AAK1: variants seen among roughly 807,000 people sequenced by gnomAD.
The protein encoded by AAK1 is AP2 associated kinase 1.
Under a neutral mutation model 116.0 loss-of-function variants are expected in AAK1, and 37 were observed. The observed-to-expected ratio is 0.32, with a 90% CI of 0.25 to 0.42. The LOEUF is 0.42. AAK1 is among the 10% of genes least tolerant of loss of function. The pLI is 1.00. For synonymous variants in AAK1, 458 were observed against 439.9 expected (o/e 1.04, Z -0.51); for missense variants, 919 against 1,170.6 (o/e 0.79, Z 3.14).
Position 69,472,526 on chromosome 2 carries a change from A to C in AAK1, c.*3343T>G. 1 of 847,182 alleles carries C rather than the reference A, an allele frequency of 1.2e-6. No individual in the cohort carries two copies. Among genetic ancestry groups the C allele is most frequent in the Non-Finnish European group, 1.4e-6 (1 of 703,996 alleles). 52.5% of individuals were successfully genotyped at this position (847,182 alleles called of 1,614,324 possible). ...GGAACAACACTTAATTAGATGTCAA[A>C]ATTCTGATATGTCTGCTAAAGAAAT... On this transcript the variant is annotated 3_prime_UTR_variant, in exon 22 of 22. Transcript: ENST00000409085.
chr2:69,465,510 G>T lies in AAK1; in HGVS notation c.*10359C>A. ...CAGCTCCGTAGTCCTGGAGGAAAGGGATGTGATAGAAACAGACCCAGCTAT... is the reference window on the plus strand; with the variant it reads ...CAGCTCCGTAGTCCTGGAGGAAAGGTATGTGATAGAAACAGACCCAGCTAT... On this transcript the variant is annotated 3_prime_UTR_variant, in exon 22 of 22. Transcript: ENST00000409085. 7.7e-7 allele frequency: 1 copy of T among 1,290,944 alleles called. No individual in the cohort carries two copies. The highest frequency in any genetic ancestry group is 1.0e-6 in the Non-Finnish European group (1 of 988,898). The allele number at this position is 1,290,944 out of a possible 1,614,324, so 80.0% of individuals were successfully genotyped here. A position where few individuals can be genotyped will look rare whatever the true frequency, so the allele number is the denominator to read the frequency against.
intron 2 of AAK1, among the ~76,000 whole-genome samples, chr2:69,617,307 G>C (rs1674378666): frequency 6.6e-6 from 1 of 152,194 alleles, no homozygotes; most frequent in Non-Finnish European, 1.5e-5. Context: ...ACATCGAGTT[G>C]CTTTGACATT....
Position 69,473,648 on chromosome 2 carries a change from G to C in AAK1, c.*2221C>G. On this transcript the variant is annotated 3_prime_UTR_variant, in exon 22 of 22. Transcript: ENST00000409085. ...GGTAATATATGAAAAGAACAATTTA[G>C]AGATACCTAATTTCTAAACTGTACT... 3.1e-6 allele frequency: 3 copies of C among 977,084 alleles called. No homozygotes were observed. The highest frequency in any genetic ancestry group is 3.6e-6 in the Non-Finnish European group (3 of 822,248). The allele number at this position is 977,084 out of a possible 1,614,324, so 60.5% of individuals were successfully genotyped here. A position where few individuals can be genotyped will look rare whatever the true frequency, so the allele number is the denominator to read the frequency against.
At chr2:69,562,380 G>C (rs779866487) in intron 2 of AAK1, among the ~76,000 whole-genome samples, 15 of 152,264 alleles carry the variant, frequency 9.9e-5, no homozygotes, top group Non-Finnish European at 1.5e-4. Flanking sequence ...CTGATAAAAG[G>C]TTTTAATAAG....
At chr2:69,563,581 T>G (rs1235256141) in intron 2 of AAK1, among the ~76,000 whole-genome samples, 2 of 152,162 alleles carry the variant, frequency 1.3e-5, no homozygotes, top group Non-Finnish European at 1.5e-5. Context: ...AGTCCACTTG[T>G]CTGAGATGGA....
chr2:69,540,853 C>T (rs371171113), intron 5 of AAK1, among the ~76,000 whole-genome samples: 17 of 152,252 alleles, frequency 1.1e-4, no homozygotes, highest in African/African-American at 3.6e-4. Flanking sequence ...GAAAACAACT[C>T]GAATGTTCAT....
intron 2 of AAK1, among the ~76,000 whole-genome samples, chr2:69,602,044 A>T (rs1673603363): frequency 6.6e-6 from 1 of 152,184 alleles, no homozygotes; most frequent in Non-Finnish European, 1.5e-5. Context: ...AAAAACACAT[A>T]CCTTAAATCT....
rs1670285601 is a variant in AAK1 at position 69,532,161 on chromosome 2, A to G, written c.536T>C (p.Val179Ala). 6.2e-7 allele frequency: 1 copy of G among 1,613,218 alleles called. No homozygotes were observed. Among genetic ancestry groups the G allele is most frequent in the South Asian group, 1.1e-5 (1 of 91,062 alleles). Reference sequence around the variant, plus strand: ...TCGGTCATGCAAGAGGATGTTTTCAACCTGAAAAACATTCCCCAACCACCC... The same window carrying G: ...TCGGTCATGCAAGAGGATGTTTTCAGCCTGAAAAACATTCCCCAACCACCC... ...KTPIIHRDLK[V>A]ENILLHDRGH... The change falls in exon 6 of 22, where the codon GTT (valine) becomes GCT (alanine). Residue 179 changes from valine (V) to alanine (A), a missense_variant and splice_region_variant. By Grantham distance (64) the Val-to-Ala change is moderately conservative (BLOSUM62 0). This residue lies in a region of AAK1 where 317 missense variants were observed against 490.4 expected (regional missense o/e 0.65). Transcript: ENST00000409085.
chr2:69,612,563 T>C (rs1185483537), intron 2 of AAK1, among the ~76,000 whole-genome samples: 1 of 152,254 alleles, frequency 6.6e-6, no homozygotes, highest in Non-Finnish European at 1.5e-5. Flanking sequence ...GGAGTCATTA[T>C]CTAGGGAAGA....
chr2:69,639,485 T>C (rs1339011777), intron 2 of AAK1, among the ~76,000 whole-genome samples: 3 of 152,166 alleles, frequency 2.0e-5, no homozygotes, highest in Non-Finnish European at 4.4e-5. Context: ...TCTAAACTCA[T>C]AACTTAAAGC....
intron 13 of AAK1, among the ~76,000 whole-genome samples, chr2:69,510,075 C>T (rs1353423728): frequency 6.6e-6 from 1 of 151,902 alleles, no homozygotes; most frequent in African/African-American, 2.4e-5. Flanking sequence ...GGTACATGTG[C>T]AGGTTTGTTA....
chr2:69,469,076 T>C lies in AAK1; in HGVS notation c.*6793A>G. On this transcript the variant is annotated 3_prime_UTR_variant, in exon 22 of 22. Transcript: ENST00000409085. ...GCTATTTCCTATCTTTCTTTCAGCATCAACAGGCTTTGTAGGAATGGAAAA... is the reference window on the plus strand; with the variant it reads ...GCTATTTCCTATCTTTCTTTCAGCACCAACAGGCTTTGTAGGAATGGAAAA... 1 of 985,442 alleles carries C rather than the reference T, an allele frequency of 1.0e-6. No individual in the cohort carries two copies. The highest frequency in any genetic ancestry group is 1.2e-6 in the Non-Finnish European group (1 of 829,938). The allele number at this position is 985,442 out of a possible 1,614,324, so 61.0% of individuals were successfully genotyped here. A position where few individuals can be genotyped will look rare whatever the true frequency, so the allele number is the denominator to read the frequency against.
chr2:69,474,436 T>A lies in AAK1; in HGVS notation c.*1433A>T, dbSNP rs1356114673. The A allele has an allele frequency of 1.0e-6, 1 of 985,634 alleles. No homozygotes were observed. The highest frequency in any genetic ancestry group is 1.2e-6 in the Non-Finnish European group (1 of 829,944). The allele number at this position is 985,634 out of a possible 1,614,324, so 61.1% of individuals were successfully genotyped here. On this transcript the variant is annotated 3_prime_UTR_variant, in exon 22 of 22. Coordinates refer to ENST00000409085, the MANE Select transcript of AAK1 (RefSeq NM_014911.5). ...AAATACACTTTAATGAGTAAGTACA[T>A]ATAGAGAGGGTGACCATGAGGCATG...
At chr2:69,571,354 G>A (rs1309698249) in intron 2 of AAK1, among the ~76,000 whole-genome samples, 1 of 152,202 alleles carries the variant, frequency 6.6e-6, no homozygotes, top group African/African-American at 2.4e-5. Flanking sequence ...TCAGCCATGT[G>A]TGTTCCAGAG....
chr2:69,616,518 G>T (rs976789601), intron 2 of AAK1, among the ~76,000 whole-genome samples: 112 of 152,264 alleles, frequency 7.4e-4, no homozygotes, highest in African/African-American at 2.6e-3. Context: ...GGGGCCCAGG[G>T]TGTAAATCAG....
chr2:69,473,320 G>A lies in AAK1; in HGVS notation c.*2549C>T. 2 of 985,398 alleles carry A rather than the reference G, an allele frequency of 2.0e-6. No homozygotes were observed. Among genetic ancestry groups the A allele is most frequent in the Non-Finnish European group, 2.4e-6 (2 of 829,926 alleles). 61.0% of individuals were successfully genotyped at this position (985,398 alleles called of 1,614,324 possible). ...TCTCAAAGGTCCCTTTGTAGCTCAG[G>A]CTATGATTCCACAGGTACCAGGACA... On this transcript the variant is annotated 3_prime_UTR_variant, in exon 22 of 22. Transcript: ENST00000409085.
intron 3 of AAK1, among the ~76,000 whole-genome samples, chr2:69,554,064 C>A (rs562612795): frequency 6.6e-6 from 1 of 151,302 alleles, no homozygotes; most frequent in Non-Finnish European, 1.5e-5. Context: ...GTAACTGAGA[C>A]CCCATCTCAA....
At chr2:69,567,307 T>C (rs1671916356) in intron 2 of AAK1, among the ~76,000 whole-genome samples, 1 of 152,192 alleles carries the variant, frequency 6.6e-6, no homozygotes, top group Non-Finnish European at 1.5e-5. Flanking sequence ...CTCACTCCCA[T>C]ATGATTAAGT....
intron 18 of AAK1, 47 bp downstream of exon 18, chr2:69,482,664 G>T: frequency 6.8e-7 from 1 of 1,461,090 alleles, no homozygotes; most frequent in Non-Finnish European, 9.6e-7. Flanking sequence ...TCTTGAAACA[G>T]GCACACATAT....
Sources: gnomAD v4.1 joint callset for allele counts (sites outside exome capture counted in the v4.1 genomes callset) on GRCh38, gnomAD v4.1.1 for gene constraint, gnomAD v4.1.1 regional missense constraint, MANE v1.5 for transcripts, NCBI Gene and HGNC (gene_info 2026-07-23, HGNC 2026-07-21) for gene names.